Variants in CHURC1 observed in about 807,000 individuals in gnomAD.
CHURC1 encodes the protein protein Churchill.
CHURC1 carries 12 observed loss-of-function variants against 15.4 expected under a neutral mutation model. The observed-to-expected ratio is 0.78, with a 90% CI of 0.50 to 1.27. The LOEUF (loss-of-function observed/expected upper bound fraction) is 1.27, where lower values mean the gene tolerates loss of function less well. Among genes scored for constraint, CHURC1 ranks in the 50% most tolerant of loss-of-function variants. CHURC1 has a pLI of 0.00. For missense variants in CHURC1, 132 were observed against 137.8 expected, an observed-to-expected ratio of 0.96 and a Z score of 0.21; for synonymous variants, 42 against 47.5, an observed-to-expected ratio of 0.88 and a Z score of 0.48.
At chr14:64,930,767 T>C (rs1425247348) in intron 3 of CHURC1, 7 of 437,960 alleles carry the variant, frequency 1.6e-5, no homozygotes, top group Non-Finnish European at 3.1e-5. Flanking sequence ...TTTTTGACTC[T>C]TTACTTTTTT....
Position 64,934,407 on chromosome 14 carries a change from C to T in CHURC1, c.*2177C>T, listed in dbSNP as rs1162399544. The T allele has an allele frequency of 3.1e-5, 30 of 981,492 alleles. No homozygotes were observed. The highest frequency in any genetic ancestry group is 3.6e-5 in the Non-Finnish European group (30 of 826,472). The allele number at this position is 981,492 out of a possible 1,614,324, so 60.8% of individuals were successfully genotyped here. A position where few individuals can be genotyped will look rare whatever the true frequency, so the allele number is the denominator to read the frequency against. On this transcript the variant is annotated 3_prime_UTR_variant, in exon 4 of 4. Coordinates refer to ENST00000549115, the MANE Select transcript of CHURC1 (RefSeq NM_001386928.1). Reference sequence around the variant, plus strand: ...AGAAGTTAAATAACTTGTTTAAGATCACACAGCTAGTGCAGTTACCCCCTC... The same window carrying T: ...AGAAGTTAAATAACTTGTTTAAGATTACACAGCTAGTGCAGTTACCCCCTC...
At position 64,932,808 on chromosome 14, in the gene CHURC1, A is replaced by G. The variant is rs1199386331; in HGVS notation, c.*578A>G. ...AGCCCAAACTAATATAAATGATTGAATGGGAACAAATCTCTTGTGCAGAAG... is the reference window on the plus strand; with the variant it reads ...AGCCCAAACTAATATAAATGATTGAGTGGGAACAAATCTCTTGTGCAGAAG... On this transcript the variant is annotated 3_prime_UTR_variant, in exon 4 of 4. Transcript: ENST00000549115. 6.6e-6 allele frequency: 1 copy of G among 152,248 alleles called. No homozygotes were observed. The highest frequency in any genetic ancestry group is 2.4e-5 in the African/African-American group (1 of 41,444). The allele number at this position is 152,248 out of a possible 1,614,324, so 9.4% of individuals were successfully genotyped here.
chr14:64,931,338 A>G (rs776481619), intron 3 of CHURC1, among the ~76,000 whole-genome samples: 9 of 152,084 alleles, frequency 5.9e-5, no homozygotes, highest in Non-Finnish European at 1.5e-5. Flanking sequence ...GTTTGAGGCC[A>G]CCCTGGGCAA....
At position 64,933,480 on chromosome 14, in the gene CHURC1, G is replaced by A; in HGVS notation, c.*1250G>A. 4 of 985,276 alleles carry A rather than the reference G, an allele frequency of 4.1e-6. No individual in the cohort carries two copies. The highest frequency in any genetic ancestry group is 4.8e-6 in the Non-Finnish European group (4 of 829,798). 61.0% of individuals were successfully genotyped at this position (985,276 alleles called of 1,614,324 possible). Reference sequence around the variant, plus strand: ...ATTTAGGCCTCTCTGCCATTTAGTAGCAGTATAGTCATTAAGCAAAGCATT... The same window carrying A: ...ATTTAGGCCTCTCTGCCATTTAGTAACAGTATAGTCATTAAGCAAAGCATT... On this transcript the variant is annotated 3_prime_UTR_variant, in exon 4 of 4. Coordinates refer to ENST00000549115, the MANE Select transcript of CHURC1 (RefSeq NM_001386928.1).
At chr14:64,924,334 A>G in intron 2 of CHURC1, 1 of 486,716 alleles carries the variant, frequency 2.1e-6, no homozygotes, top group African/African-American at 2.0e-5. Context: ...AGATAACTAA[A>G]GCTTACGATT....
chr14:64,931,241 A>G (rs1231094730), intron 3 of CHURC1, among the ~76,000 whole-genome samples: 2 of 152,242 alleles, frequency 1.3e-5, no homozygotes, highest in Non-Finnish European at 2.9e-5. Context: ...AGCTATAAGA[A>G]TAGGACTTTG....
At chr14:64,916,799 C>T (rs577155535) in intron 1 of CHURC1, among the ~76,000 whole-genome samples, 2 of 152,098 alleles carry the variant, frequency 1.3e-5, no homozygotes, top group Admixed American at 6.5e-5. Flanking sequence ...AGGATGGTCT[C>T]GATCTCCTGA....
chr14:64,914,507 C>T lies in CHURC1; in HGVS notation c.12C>T (p.Asp4=). 6.2e-7 allele frequency: 1 copy of T among 1,614,280 alleles called. No individual in the cohort carries two copies. Among genetic ancestry groups the T allele is most frequent in the South Asian group, 1.1e-5 (1 of 91,092 alleles). Residue 4 remains aspartate, a synonymous_variant, in exon 1 of 4, where the codon GAC becomes GAT. Transcript: ENST00000549115. ...TTGACTGCGTCGCGATGTGTGGCGA[C>T]TGTGTGGAGAAGGAATATCCCAACC... MCG[D]CVEKEYPNRG...
chr14:64,930,377 A>G (rs981368883), intron 3 of CHURC1, among the ~76,000 whole-genome samples: 3 of 152,212 alleles, frequency 2.0e-5, no homozygotes, highest in African/African-American at 7.2e-5. Flanking sequence ...GCACTTCTAT[A>G]TATGGTTAGA....
Position 64,934,528 on chromosome 14 carries a change from A to T in CHURC1, c.*2298A>T. On this transcript the variant is annotated 3_prime_UTR_variant, in exon 4 of 4. Transcript: ENST00000549115. ...TGACAGTACTCTGAGGCATCTGGGC[A>T]TGTCAGATGAAGATTTATTATTCAG... 1 of 985,414 alleles carries T rather than the reference A, an allele frequency of 1.0e-6. No individual in the cohort carries two copies. The highest frequency in any genetic ancestry group is 1.2e-6 in the Non-Finnish European group (1 of 829,884). The allele number at this position is 985,414 out of a possible 1,614,324, so 61.0% of individuals were successfully genotyped here.
Position 64,914,525 on chromosome 14 carries a change from T to C in CHURC1, c.30T>C (p.Tyr10=). ...GTGGCGACTGTGTGGAGAAGGAATA[T>C]CCCAACCGGGTGAGCGACTGGGCGC... The part of the protein sequence containing the change: MCGDCVEKE[Y]PNRGNTCLEN... The change falls in exon 1 of 4, where the codon TAT becomes TAC. Residue 10 remains tyrosine (Y), a synonymous_variant. Transcript: ENST00000549115. 6.2e-7 allele frequency: 1 copy of C among 1,614,186 alleles called. No individual in the cohort carries two copies. Among genetic ancestry groups the C allele is most frequent in the South Asian group, 1.1e-5 (1 of 91,088 alleles).
chr14:64,926,070 A>G lies in CHURC1; in HGVS notation c.236A>G (p.Asp79Gly). 2 of 1,593,698 alleles carry G rather than the reference A, an allele frequency of 1.3e-6. No individual in the cohort carries two copies. The highest frequency in any genetic ancestry group is 1.7e-6 in the Non-Finnish European group (2 of 1,170,550). Residue 79 changes from aspartate to glycine, a missense_variant, in exon 3 of 4, where the codon GAT becomes GGT. Physicochemically the swap from Asp to Gly is moderately conservative, Grantham distance 94 (BLOSUM62 -1). Coordinates refer to ENST00000549115, the MANE Select transcript of CHURC1 (RefSeq NM_001386928.1). ...ARHEYTFSIMDEFQEYTMLCL... is the reference protein window; with the variant it reads ...ARHEYTFSIMGEFQEYTMLCL... ...CATGAGTATACATTCAGTATCATGG[A>G]TGAATTTCAGGTAAATATAAATATG...
chr14:64,930,434 C>T (rs1326618509), intron 3 of CHURC1, among the ~76,000 whole-genome samples: 1 of 152,286 alleles, frequency 6.6e-6, no homozygotes, highest in East Asian at 1.9e-4. Context: ...TGTGGATTTT[C>T]CTGGGAACCT....
At chr14:64,920,046 T>C (rs1420819869) in intron 1 of CHURC1, among the ~76,000 whole-genome samples, 1 of 152,148 alleles carries the variant, frequency 6.6e-6, no homozygotes, top group Non-Finnish European at 1.5e-5. Context: ...AAACCGTATT[T>C]TCCATTTTTA....
In CHURC1 at chr14:64,933,433, G is replaced by A. The variant is rs1308865117; in HGVS notation, c.*1203G>A. ...TACTTTGCATAGTTTCATGAGCACT[G>A]GCCAGGAGGTTATAAACTGGCATTT... On this transcript the variant is annotated 3_prime_UTR_variant, in exon 4 of 4. Transcript: ENST00000549115. 4.1e-6 allele frequency: 4 copies of A among 985,338 alleles called. No homozygotes were observed. The highest frequency in any genetic ancestry group is 4.8e-6 in the Non-Finnish European group (4 of 829,946). 61.0% of individuals were successfully genotyped at this position (985,338 alleles called of 1,614,324 possible). A position where few individuals can be genotyped will look rare whatever the true frequency, so the allele number is the denominator to read the frequency against.
intron 2 of CHURC1, among the ~76,000 whole-genome samples, chr14:64,925,707 A>AAAAAG (rs1214848052): frequency 2.6e-5 from 4 of 151,612 alleles, no homozygotes; most frequent in African/African-American, 4.9e-5. Context: ...AAAAAAAAAA[A>AAAAAG]AAAAAAAAAA....
chr14:64,916,837 C>T (rs28508270), intron 1 of CHURC1, among the ~76,000 whole-genome samples: 40,153 of 151,958 alleles, frequency 0.26, 6,068 homozygotes, highest in African/African-American at 0.4. Context: ...CTCGGCCTCC[C>T]AAAGTGCTAG....
At chr14:64,930,560 C>T (rs1885024692) in intron 3 of CHURC1, among the ~76,000 whole-genome samples, 1 of 152,178 alleles carries the variant, frequency 6.6e-6, no homozygotes, top group African/African-American at 2.4e-5. Flanking sequence ...TAATCAGTCT[C>T]ACTGATTTAA....
chr14:64,931,324 A>T (rs1226148516), intron 3 of CHURC1, among the ~76,000 whole-genome samples: 1 of 152,174 alleles, frequency 6.6e-6, no homozygotes, highest in Non-Finnish European at 1.5e-5. Flanking sequence ...ACTTGAGCAT[A>T]GGAGTTTGAG....
Sources: gnomAD v4.1 joint callset for allele counts (sites outside exome capture counted in the v4.1 genomes callset) on GRCh38, gnomAD v4.1.1 for gene constraint, MANE v1.5 for transcripts, NCBI Gene and HGNC (gene_info 2026-07-23, HGNC 2026-07-21) for gene names.